The following SSBP2 variants were observed in gnomAD, a reference collection of about 807,000 sequenced individuals.
The protein encoded by SSBP2 is single-stranded DNA-binding protein 2.
In SSBP2, 17 loss-of-function variants were observed where a neutral mutation model predicts 61.8. The ratio of observed to expected loss-of-function variants is 0.28; its 90% confidence interval spans 0.19 to 0.41. The LOEUF (loss-of-function observed/expected upper bound fraction) is 0.41. SSBP2 is among the 10% of genes least tolerant of loss of function. SSBP2 has a pLI of 1.00. For synonymous variants in SSBP2, 139 were observed against 141.3 expected (o/e 0.98, Z 0.12); for missense variants, 310 against 458.7 (o/e 0.68, Z 2.96).
At chr5:81,472,782 G>T (rs1383312881) in intron 8 of SSBP2, among the ~76,000 whole-genome samples, 1 of 152,006 alleles carries the variant, frequency 6.6e-6, no homozygotes, top group Non-Finnish European at 1.5e-5. Flanking sequence ...TGTATTTTTA[G>T]TAGAGACGGG....
chr5:81,686,867 AAAAAAGAAAAGAAAAGAAAAGAAAAG>A (rs1401940967), intron 1 of SSBP2, among the ~76,000 whole-genome samples: 1,264 of 85,736 alleles, frequency 0.015, 33 homozygotes, highest in South Asian at 0.06. Flanking sequence ...AAAAAAAAAA[AAAAAAGAAAAGAAAAGAAAAGAAAAG>A]AAAAGAAAAG....
intron 4 of SSBP2, among the ~76,000 whole-genome samples, chr5:81,595,391 C>A (rs1469853080): frequency 6.6e-6 from 1 of 152,178 alleles, no homozygotes; most frequent in Non-Finnish European, 1.5e-5. Context: ...GATGGATTCA[C>A]AGCCGAGTTC....
At chr5:81,573,501 T>TTA (rs1400505847) in intron 4 of SSBP2, among the ~76,000 whole-genome samples, 3 of 152,178 alleles carry the variant, frequency 2.0e-5, no homozygotes, top group Admixed American at 6.5e-5. Context: ...CCTCAAAGGG[T>TTA]TATAGTCTTG....
At chr5:81,580,349 C>T (rs576557421) in intron 4 of SSBP2, among the ~76,000 whole-genome samples, 1 of 152,084 alleles carries the variant, frequency 6.6e-6, no homozygotes, top group Non-Finnish European at 1.5e-5. Context: ...GTAGAAGAAA[C>T]AGAATCACAG....
chr5:81,475,763 T>C (rs1765544853), intron 6 of SSBP2, among the ~76,000 whole-genome samples: 1 of 152,268 alleles, frequency 6.6e-6, no homozygotes, highest in South Asian at 2.1e-4. Context: ...TAGATCTCAG[T>C]TTAGGGATCA....
chr5:81,724,838 T>C (rs1755770921), intron 1 of SSBP2, among the ~76,000 whole-genome samples: 1 of 152,050 alleles, frequency 6.6e-6, no homozygotes, highest in Admixed American at 6.6e-5. Context: ...GCAGCTACGA[T>C]GGACAGAAAT....
chr5:81,741,019 C>T (rs1005141083), intron 1 of SSBP2, among the ~76,000 whole-genome samples: 1 of 152,178 alleles, frequency 6.6e-6, no homozygotes, highest in Admixed American at 6.5e-5. Context: ...ATTTTTCCGC[C>T]ATGTTAAGCG....
chr5:81,501,268 T>TATATAC (rs1205403428), intron 5 of SSBP2, among the ~76,000 whole-genome samples: 5 of 35,768 alleles, frequency 1.4e-4, no homozygotes, highest in Non-Finnish European at 2.6e-4. Context: ...TATATATATA[T>TATATAC]ACACACACAC....
chr5:81,654,443 G>A (rs1440999556), intron 1 of SSBP2, among the ~76,000 whole-genome samples: 1 of 152,106 alleles, frequency 6.6e-6, no homozygotes, highest in African/African-American at 2.4e-5. Context: ...TTGTCAAAAG[G>A]ATTAGAAAGC....
chr5:81,447,226 T>C (rs1026708623), intron 11 of SSBP2, among the ~76,000 whole-genome samples: 4 of 152,160 alleles, frequency 2.6e-5, no homozygotes, highest in Non-Finnish European at 5.9e-5. Context: ...TCTTTACAAA[T>C]CCATAAAACA....
intron 16 of SSBP2, among the ~76,000 whole-genome samples, chr5:81,422,668 G>C (rs1761685956): frequency 6.7e-6 from 1 of 150,322 alleles, no homozygotes; most frequent in Non-Finnish European, 1.5e-5. Flanking sequence ...GGTCATAGGA[G>C]AAAAAAAAAT....
Position 81,600,151 on chromosome 5 carries a change from G to A in SSBP2, c.282+15322C>T, listed in dbSNP as rs1744204192. 2.0e-5 allele frequency among the ~76,000 whole-genome samples: 3 copies of A among 152,192 alleles called. No homozygotes were observed. The South Asian group carries it at 6.2e-4, about 32-fold the overall frequency. Reference sequence around the variant, plus strand: ...ATGTAACAGAAGATGTAGATTAAATGCTAGAAATAAGATAAATAATATGTA... The same window carrying A: ...ATGTAACAGAAGATGTAGATTAAATACTAGAAATAAGATAAATAATATGTA... On this transcript the variant is annotated intron_variant, in intron 4 of 16. Transcript: ENST00000320672.
intron 5 of SSBP2, among the ~76,000 whole-genome samples, chr5:81,504,611 T>C (rs1316775253): frequency 6.6e-6 from 1 of 152,194 alleles, no homozygotes; most frequent in East Asian, 1.9e-4. Flanking sequence ...GATGAGCCCT[T>C]TTCTGGCCAC....
intron 1 of SSBP2, among the ~76,000 whole-genome samples, chr5:81,670,435 A>T (rs1179206138): frequency 6.6e-6 from 1 of 152,184 alleles, no homozygotes; most frequent in Admixed American, 6.5e-5. Flanking sequence ...AAACTTAGTA[A>T]AGTTCCTATC....
intron 3 of SSBP2, among the ~76,000 whole-genome samples, chr5:81,633,505 C>A (rs561343701): frequency 6.6e-6 from 1 of 152,250 alleles, no homozygotes; most frequent in African/African-American, 2.4e-5. Context: ...TTTCCCTCCC[C>A]ACTCATGGGT....
At position 81,654,418 on chromosome 5, in the gene SSBP2, A is replaced by C. The variant is rs1011769766; in HGVS notation, c.63-4079T>G. 2.6e-5 allele frequency among the ~76,000 whole-genome samples: 4 copies of C among 152,230 alleles called. No individual in the cohort carries two copies. In the East Asian group the frequency reaches 7.7e-4, roughly 29 times the overall value. On this transcript the variant is annotated intron_variant, in intron 1 of 16. Transcript: ENST00000320672. Reference sequence around the variant, plus strand: ...TTCTCATGTGTCAAATAGGAAGAATAGTATTTTGCTTGTATTGTCAAAAGG... The same window carrying C: ...TTCTCATGTGTCAAATAGGAAGAATCGTATTTTGCTTGTATTGTCAAAAGG...
intron 4 of SSBP2, 27 bp from the exon 5 acceptor site, chr5:81,513,744 C>T (rs1277580972): frequency 2.7e-6 from 4 of 1,506,632 alleles, no homozygotes; most frequent in Non-Finnish European, 3.7e-6. Flanking sequence ...AGAAACAAAC[C>T]TATATCATTA....
At chr5:81,720,002 AG>A (rs750722927) in intron 1 of SSBP2, among the ~76,000 whole-genome samples, 1 of 152,108 alleles carries the variant, frequency 6.6e-6, no homozygotes, top group Non-Finnish European at 1.5e-5. Flanking sequence ...AAATGCTCAC[AG>A]GAGAGTCATT....
At chr5:81,661,380 G>A (rs989671035) in intron 1 of SSBP2, among the ~76,000 whole-genome samples, 6 of 152,192 alleles carry the variant, frequency 3.9e-5, no homozygotes, top group South Asian at 2.1e-4. Context: ...GTGGGATTGC[G>A]AGATCATATG....
Sources: allele counts gnomAD v4.1 joint callset (sites outside exome capture counted in the v4.1 genomes callset), GRCh38; gene constraint gnomAD v4.1.1; transcripts MANE v1.5; gene names NCBI Gene and HGNC (gene_info 2026-07-23, HGNC 2026-07-21).